COLGALT2: variants seen among roughly 807,000 people sequenced by gnomAD.
The protein encoded by COLGALT2 is procollagen galactosyltransferase 2.
A neutral mutation model predicts 73.4 loss-of-function variants in COLGALT2; 49 were observed. That is an observed-to-expected ratio of 0.67 (90% CI 0.53 to 0.85). The LOEUF is 0.85. Ranked by LOEUF, COLGALT2 falls within the 40% of genes least tolerant of loss-of-function variation. The probability of loss-of-function intolerance (pLI) is 0.00; values close to 1 mark genes in which losing one functional copy is unlikely to be tolerated. For missense variants in COLGALT2, 722 were observed against 790.2 expected (o/e 0.91, Z 1.03); for synonymous variants, 295 against 307.6 (o/e 0.96, Z 0.43).
At chr1:183,958,362 G>C (rs1391641685) in intron 6 of COLGALT2, among the ~76,000 whole-genome samples, 1 of 152,116 alleles carries the variant, frequency 6.6e-6, no homozygotes, top group East Asian at 1.9e-4. Flanking sequence ...TCAGCACCAA[G>C]AGGACTACTG....
chr1:183,970,433 C>T (rs1671005918), intron 4 of COLGALT2, among the ~76,000 whole-genome samples: 1 of 152,202 alleles, frequency 6.6e-6, no homozygotes, highest in South Asian at 2.1e-4. Flanking sequence ...GTTCATTAAT[C>T]AGTTGCATCA....
At chr1:184,019,596 A>C (rs1649113008) in intron 1 of COLGALT2, among the ~76,000 whole-genome samples, 1 of 152,206 alleles carries the variant, frequency 6.6e-6, no homozygotes, top group Non-Finnish European at 1.5e-5. Flanking sequence ...TCAAAGAATC[A>C]AAAATGATAG....
At chr1:183,967,434 T>G (rs1346244833) in intron 5 of COLGALT2, among the ~76,000 whole-genome samples, 2 of 152,234 alleles carry the variant, frequency 1.3e-5, no homozygotes, top group Non-Finnish European at 2.9e-5. Flanking sequence ...GGTGTCTACC[T>G]GCTTTCAATG....
chr1:183,932,642 G>A (rs2102780984), downstream of COLGALT2, among the ~76,000 whole-genome samples: 1 of 152,242 alleles, frequency 6.6e-6, no homozygotes, highest in South Asian at 2.1e-4. Flanking sequence ...CCACGGCTGG[G>A]GTCCAAAAAG....
rs115271544 is a variant in COLGALT2, at chr1:184,010,970, G to A, written c.263+26125C>T. 6.0e-3 allele frequency among the ~76,000 whole-genome samples: 910 copies of A among 152,236 alleles called. 14 individuals are homozygous for A. The highest frequency in any genetic ancestry group is 0.021 in the African/African-American group (873 of 41,538). On this transcript the variant is annotated intron_variant, in intron 1 of 11. Coordinates refer to ENST00000361927, the MANE Select transcript of COLGALT2 (RefSeq NM_015101.4). Reference sequence around the variant, plus strand: ...AGGAAGCAAATACAACAGGCCAGTGGGGAGGAAGGCCTGTTTTTAATTCTC... The same window carrying A: ...AGGAAGCAAATACAACAGGCCAGTGAGGAGGAAGGCCTGTTTTTAATTCTC...
intron 6 of COLGALT2, among the ~76,000 whole-genome samples, chr1:183,957,222 TG>T: frequency 6.6e-6 from 1 of 152,162 alleles, no homozygotes; most frequent in Admixed American, 6.5e-5. Context: ...ACATGTACCA[TG>T]GGATATGTAT....
At position 183,937,468 on chromosome 1, in the gene COLGALT2, G is replaced by A; in HGVS notation, c.*1293C>T. 6.1e-6 allele frequency: 6 copies of A among 985,702 alleles called. No individual in the cohort carries two copies. Among genetic ancestry groups the A allele is most frequent in the Non-Finnish European group, 7.2e-6 (6 of 830,122 alleles). The allele number at this position is 985,702 out of a possible 1,614,324, so 61.1% of individuals were successfully genotyped here. ...AGGACTCTTAGGGGATATCTTTTGA[G>A]AAAGGGTGTCCGCCTGGGATTCTAA... On this transcript the variant is annotated 3_prime_UTR_variant, in exon 12 of 12. Coordinates refer to ENST00000361927, the MANE Select transcript of COLGALT2 (RefSeq NM_015101.4).
chr1:183,957,472 G>T (rs906035374), intron 6 of COLGALT2, among the ~76,000 whole-genome samples: 2 of 152,202 alleles, frequency 1.3e-5, no homozygotes, highest in African/African-American at 4.8e-5. Flanking sequence ...GTACATGATA[G>T]ATTGTACTTG....
intron 1 of COLGALT2, among the ~76,000 whole-genome samples, chr1:184,035,728 C>T (rs755422803): frequency 6.6e-6 from 1 of 152,158 alleles, no homozygotes; most frequent in Non-Finnish European, 1.5e-5. Flanking sequence ...AAAAACACAA[C>T]AACTAAGGTA....
chr1:184,003,576 C>T (rs1398925240), intron 1 of COLGALT2, among the ~76,000 whole-genome samples: 2 of 152,168 alleles, frequency 1.3e-5, no homozygotes, highest in African/African-American at 2.4e-5. Flanking sequence ...CTATAAGGTT[C>T]CAGGGAAAAG....
At chr1:184,031,855 C>CCTTCCTTCCTTT (rs1284967313) in intron 1 of COLGALT2, among the ~76,000 whole-genome samples, 1 of 149,072 alleles carries the variant, frequency 6.7e-6, no homozygotes, top group African/African-American at 2.5e-5. Flanking sequence ...TTCCTTCCTT[C>CCTTCCTTCCTTT]CTTCCTTCCT....
chr1:184,008,057 T>C (rs1363311280), intron 1 of COLGALT2, among the ~76,000 whole-genome samples: 2 of 152,106 alleles, frequency 1.3e-5, no homozygotes, highest in East Asian at 1.9e-4. Flanking sequence ...TACTATACAC[T>C]AGAGAAGTTG....
intron 5 of COLGALT2, among the ~76,000 whole-genome samples, chr1:183,968,950 A>C (rs1670956349): frequency 6.6e-6 from 1 of 152,080 alleles, no homozygotes; most frequent in Non-Finnish European, 1.5e-5. Context: ...TAATTAATAA[A>C]TGAACTTCTA....
chr1:183,964,102 T>C (rs1156946301), intron 5 of COLGALT2, 82 bp from the exon 6 acceptor site: 3 of 1,475,726 alleles, frequency 2.0e-6, no homozygotes, highest in Non-Finnish European at 2.8e-6. Context: ...ACCTGAACTG[T>C]GTCTGATGCT....
chr1:183,975,378 T>C (rs1027588697), intron 2 of COLGALT2, among the ~76,000 whole-genome samples, 164 bp from the exon 3 acceptor site: 2 of 152,206 alleles, frequency 1.3e-5, no homozygotes, highest in Non-Finnish European at 2.9e-5. Context: ...ACCGGAGCAA[T>C]GAGAAGTCAA....
chr1:183,954,501 A>G (rs1420673613), intron 7 of COLGALT2, among the ~76,000 whole-genome samples: 1 of 152,258 alleles, frequency 6.6e-6, no homozygotes, highest in Non-Finnish European at 1.5e-5. Flanking sequence ...GCTCCTAGAA[A>G]ATATCAAATT....
chr1:183,962,059 G>A (rs948125548), intron 6 of COLGALT2, among the ~76,000 whole-genome samples: 8 of 151,856 alleles, frequency 5.3e-5, no homozygotes, highest in African/African-American at 1.9e-4. Flanking sequence ...TATAGTGTAG[G>A]AGCAAGGGAG....
intron 7 of COLGALT2, among the ~76,000 whole-genome samples, chr1:183,954,222 A>C (rs1321341565): frequency 2.0e-5 from 3 of 152,244 alleles, no homozygotes; most frequent in Non-Finnish European, 4.4e-5. Context: ...TACCCTTAGA[A>C]TATTATTAGG....
At chr1:183,950,798 G>A (rs1670375827) in intron 8 of COLGALT2, among the ~76,000 whole-genome samples, 1 of 152,144 alleles carries the variant, frequency 6.6e-6, no homozygotes, top group African/African-American at 2.4e-5. Flanking sequence ...GTGTAATGAA[G>A]ACCAAAGACC....
Sources: allele counts gnomAD v4.1 joint callset (sites outside exome capture counted in the v4.1 genomes callset), GRCh38; gene constraint gnomAD v4.1.1; transcripts MANE v1.5; gene names NCBI Gene and HGNC (gene_info 2026-07-23, HGNC 2026-07-21).